Variants in TGM6 observed in about 807,000 individuals in gnomAD.
TGM6 encodes the protein transglutaminase 6, also known as protein-glutamine gamma-glutamyltransferase 6.
Under a neutral mutation model 77.5 loss-of-function variants are expected in TGM6, and 74 were observed. The observed-to-expected ratio is 0.96, with a 90% CI of 0.79 to 1.16. The LOEUF (loss-of-function observed/expected upper bound fraction) is 1.16. Among genes scored for constraint, TGM6 ranks in the 50% most tolerant of loss-of-function variants. TGM6 has a pLI of 0.00. For missense variants in TGM6, 968 were observed against 940.2 expected, an observed-to-expected ratio of 1.03 and a Z score of -0.39; for synonymous variants, 383 against 378.9, an observed-to-expected ratio of 1.01 and a Z score of -0.12.
intron 7 of TGM6, among the ~76,000 whole-genome samples, chr20:2,401,576 C>T (rs2084709703): frequency 6.6e-6 from 1 of 152,210 alleles, no homozygotes; most frequent in Non-Finnish European, 1.5e-5. Flanking sequence ...CCACCAAGCA[C>T]CTAGTCTGTG....
At chr20:2,426,840 A>C (rs1329787090) in intron 10 of TGM6, among the ~76,000 whole-genome samples, 1 of 152,180 alleles carries the variant, frequency 6.6e-6, no homozygotes, top group East Asian at 1.9e-4. Context: ...CCAGCCTTAC[A>C]TGCCTAGAAT....
intron 9 of TGM6, 60 bp downstream of exon 9, chr20:2,403,883 G>A: frequency 6.2e-7 from 1 of 1,612,948 alleles, no homozygotes. Context: ...GCTGCAGAGG[G>A]CCCACTGCAG....
chr20:2,397,329 G>A (rs937034509), intron 4 of TGM6, among the ~76,000 whole-genome samples: 1 of 152,176 alleles, frequency 6.6e-6, no homozygotes, highest in African/African-American at 2.4e-5. Context: ...GGTCCCCGGT[G>A]GAAGAAAGAC....
At chr20:2,432,361 A>G in intron 12 of TGM6, 129 bp from the exon 13 acceptor site, 1 of 1,213,288 alleles carries the variant, frequency 8.2e-7, no homozygotes. Flanking sequence ...AAACATGTTG[A>G]TAAGGCTTGA....
rs762219620 is a variant in TGM6, at chr20:2,417,465, G to A, written c.1570G>A (p.Ala524Thr). 1.9e-6 allele frequency: 3 copies of A among 1,610,812 alleles called. No homozygotes were observed. The highest frequency in any genetic ancestry group is 1.7e-6 in the Non-Finnish European group (2 of 1,179,906). The change falls in exon 10 of 13, where the codon GCC (alanine) becomes ACC (threonine). Residue 524 changes from alanine (A) to threonine (T), a missense_variant. Transcript: ENST00000202625. ...ALCLANLTSR[A>T]QRVRVNLSGA... Reference sequence around the variant, plus strand: ...GTGCTTGGCCAACCTCACCTCCCGGGCCCAGCGGGTGAGGGTCAACCTGAG... The same window carrying A: ...GTGCTTGGCCAACCTCACCTCCCGGACCCAGCGGGTGAGGGTCAACCTGAG...
At chr20:2,414,944 G>GC (rs1555800998) in intron 9 of TGM6, among the ~76,000 whole-genome samples, 10 of 97,380 alleles carry the variant, frequency 1.0e-4, no homozygotes, top group Middle Eastern at 4.7e-3. Flanking sequence ...TGGGGGGGGG[G>GC]GTGAAAAAAC....
At chr20:2,424,882 T>C (rs961578048) in intron 10 of TGM6, among the ~76,000 whole-genome samples, 1 of 152,152 alleles carries the variant, frequency 6.6e-6, no homozygotes, top group African/African-American at 2.4e-5. Flanking sequence ...TATTATTGTG[T>C]ATCCGGGAAT....
chr20:2,419,160 C>G (rs893382900), intron 10 of TGM6, among the ~76,000 whole-genome samples: 2 of 152,064 alleles, frequency 1.3e-5, no homozygotes, highest in African/African-American at 4.8e-5. Flanking sequence ...TCTCTCCTTC[C>G]CTGTCTGTCT....
chr20:2,390,271 G>A (rs1174347153), intron 1 of TGM6, among the ~76,000 whole-genome samples: 3 of 152,178 alleles, frequency 2.0e-5, no homozygotes, highest in Non-Finnish European at 1.5e-5. Context: ...TCATAATACG[G>A]GGAAATAGTA....
At chr20:2,381,819 G>A (rs913752473) in intron 1 of TGM6, among the ~76,000 whole-genome samples, 25 of 152,214 alleles carry the variant, frequency 1.6e-4, no homozygotes, top group African/African-American at 6.0e-4. Flanking sequence ...TTGGGAGGCT[G>A]AGGTGAGAGG....
At chr20:2,382,660 G>A (rs983459376) in intron 1 of TGM6, among the ~76,000 whole-genome samples, 24 of 152,230 alleles carry the variant, frequency 1.6e-4, no homozygotes, top group Admixed American at 1.3e-3. Context: ...TGGCTTCTTG[G>A]GAGGATCTGT....
At chr20:2,421,271 C>T (rs576003108) in intron 10 of TGM6, among the ~76,000 whole-genome samples, 2 of 152,292 alleles carry the variant, frequency 1.3e-5, no homozygotes, top group South Asian at 2.1e-4. Context: ...AGGCATGAGC[C>T]GCCGTGCCCG....
intron 7 of TGM6, among the ~76,000 whole-genome samples, chr20:2,401,705 T>A (rs904750828): frequency 1.1e-4 from 17 of 151,970 alleles, no homozygotes; most frequent in Non-Finnish European, 2.5e-4. Context: ...CACAGAGAGG[T>A]TAAGTAACCC....
intron 9 of TGM6, among the ~76,000 whole-genome samples, chr20:2,416,914 T>C (rs2084820048): frequency 6.6e-6 from 1 of 152,072 alleles, no homozygotes; most frequent in Non-Finnish European, 1.5e-5. Flanking sequence ...TGGGTGATGA[T>C]AATACCTCTG....
intron 1 of TGM6, among the ~76,000 whole-genome samples, chr20:2,383,299 G>A (rs1286112279): frequency 6.6e-6 from 1 of 152,230 alleles, no homozygotes; most frequent in Non-Finnish European, 1.5e-5. Context: ...AATTGGGGAG[G>A]ATTGTATCAT....
chr20:2,430,909 A>C lies in TGM6; in HGVS notation c.1849A>C (p.Met617Leu). ...TCCCCTTCAGGTTCTGGGCCCAGCCATGGTGGGAGTGGCAGTTACAGTGGA... is the reference window on the plus strand; with the variant it reads ...TCCCCTTCAGGTTCTGGGCCCAGCCCTGGTGGGAGTGGCAGTTACAGTGGA... Reference protein sequence around the residue: ...FITIKVLGPAMVGVAVTVEVT... With the variant: ...FITIKVLGPALVGVAVTVEVT... The change falls in exon 12 of 13, where the codon ATG becomes CTG. Residue 617 changes from methionine (M) to leucine (L), a missense_variant. Transcript: ENST00000202625. The C allele has an allele frequency of 6.2e-7, 1 of 1,614,150 alleles. No homozygotes were observed. The highest frequency in any genetic ancestry group is 8.5e-7 in the Non-Finnish European group (1 of 1,180,030).
At chr20:2,404,723 C>T (rs1408984793) in intron 9 of TGM6, among the ~76,000 whole-genome samples, 4 of 152,020 alleles carry the variant, frequency 2.6e-5, no homozygotes, top group East Asian at 1.9e-4. Context: ...TCACTGCAAC[C>T]TCCGCCTCCT....
rs58037765 is a variant in TGM6 at position 2,432,189 on chromosome 20, C to G, written c.1968-301C>G. On this transcript the variant is annotated intron_variant, in intron 12 of 12. Transcript: ENST00000202625. ...TCAGCTTCCTGAGTAGCTGGGATTACAGGTGTGCACCACTGCACCCGGCTA... is the reference window on the plus strand; with the variant it reads ...TCAGCTTCCTGAGTAGCTGGGATTAGAGGTGTGCACCACTGCACCCGGCTA... Among the ~76,000 whole-genome samples the G allele has an allele frequency of 0.22, 33,689 of 151,806 alleles. 4,302 individuals carry two copies. Among genetic ancestry groups the G allele is most frequent in the African/African-American group, 0.35 (14,449 of 41,312 alleles).
chr20:2,430,737 C>A, intron 11 of TGM6, 137 bp downstream of exon 11: 1 of 1,585,012 alleles, frequency 6.3e-7, no homozygotes, highest in Non-Finnish European at 8.6e-7. Flanking sequence ...GTGGGTTGGA[C>A]ATAAGGGGAT....
Sources: allele counts gnomAD v4.1 joint callset (sites outside exome capture counted in the v4.1 genomes callset), GRCh38; gene constraint gnomAD v4.1.1; transcripts MANE v1.5; gene names NCBI Gene and HGNC (gene_info 2026-07-23, HGNC 2026-07-21).